The following MBP variants were observed in gnomAD, a reference collection of about 807,000 sequenced individuals.
The protein encoded by MBP is myelin basic protein.
MBP carries 16 observed loss-of-function variants against 35.8 expected under a neutral mutation model. That is an observed-to-expected ratio of 0.45 (90% confidence interval 0.30 to 0.68). MBP has a LOEUF of 0.68. Ranked by LOEUF, MBP falls within the 30% of genes least tolerant of loss-of-function variation. The pLI is 0.08. For missense variants in MBP, 380 were observed against 404.7 expected, an observed-to-expected ratio of 0.94 and a Z score of 0.52; for synonymous variants, 143 against 159.6, an observed-to-expected ratio of 0.90 and a Z score of 0.78.
intron 1 of MBP, among the ~76,000 whole-genome samples, chr18:77,117,151 C>A (rs542896942): frequency 6.6e-6 from 1 of 152,178 alleles, no homozygotes; most frequent in Non-Finnish European, 1.5e-5. Context: ...AACTCATTTC[C>A]TTCTACATGA....
chr18:77,111,645 A>G (rs1976452959), intron 1 of MBP, among the ~76,000 whole-genome samples: 1 of 152,176 alleles, frequency 6.6e-6, no homozygotes, highest in South Asian at 2.1e-4. Flanking sequence ...GCCACCACCA[A>G]CATGCTGAGA....
At chr18:76,999,461 A>AT (rs113779985) in intron 4 of MBP, among the ~76,000 whole-genome samples, 8,717 of 144,446 alleles carry the variant, frequency 0.06, 302 homozygotes, top group African/African-American at 0.1. Flanking sequence ...TAGTTTAGGT[A>AT]TTTTTTTTTT....
intron 4 of MBP, among the ~76,000 whole-genome samples, chr18:76,996,097 T>G (rs1275268840): frequency 6.6e-6 from 1 of 152,132 alleles, no homozygotes; most frequent in African/African-American, 2.4e-5. Context: ...ATGTTCAGCA[T>G]CATCATTAGC....
At chr18:77,011,884 T>C (rs1193132498) in intron 4 of MBP, among the ~76,000 whole-genome samples, 1 of 152,272 alleles carries the variant, frequency 6.6e-6, no homozygotes, top group Non-Finnish European at 1.5e-5. Context: ...TATCAATATC[T>C]AAGTGATTTT....
chr18:77,078,372 C>T (rs1974748014), intron 2 of MBP, among the ~76,000 whole-genome samples: 2 of 152,306 alleles, frequency 1.3e-5, no homozygotes, highest in Non-Finnish European at 2.9e-5. Flanking sequence ...TGTCTGATTA[C>T]CCAATTCCCA....
chr18:76,990,107 G>A (rs1448089592), intron 4 of MBP, 47 bp from the exon 5 acceptor site: 3 of 1,313,196 alleles, frequency 2.3e-6, no homozygotes, highest in African/African-American at 3.0e-5. Context: ...CACAGTCCCT[G>A]CGGCTTGTCC....
chr18:76,991,270 A>G (rs1184568362), intron 4 of MBP, among the ~76,000 whole-genome samples: 1 of 152,152 alleles, frequency 6.6e-6, no homozygotes, highest in African/African-American at 2.4e-5. Flanking sequence ...GCCAGCTGGT[A>G]ATCAACAGAA....
chr18:77,066,209 A>C (rs1044933288), intron 3 of MBP, 89 bp downstream of exon 3: 3 of 895,248 alleles, frequency 3.4e-6, no homozygotes, highest in Non-Finnish European at 5.6e-6. Flanking sequence ...TCACCCATGC[A>C]ATAAAAAAAT....
chr18:77,118,604 C>T (rs1976774711), intron 1 of MBP, among the ~76,000 whole-genome samples: 1 of 138,468 alleles, frequency 7.2e-6, no homozygotes, highest in Non-Finnish European at 1.6e-5. Context: ...ACACACACTC[C>T]ACAGACACCA....
chr18:77,072,918 T>C (rs1974509149), intron 2 of MBP, among the ~76,000 whole-genome samples: 1 of 152,272 alleles, frequency 6.6e-6, no homozygotes, highest in Non-Finnish European at 1.5e-5. Context: ...CCTGGCCTGT[T>C]CAGCCATTGT....
At chr18:76,997,883 T>G (rs186619552) in intron 4 of MBP, among the ~76,000 whole-genome samples, 1 of 151,956 alleles carries the variant, frequency 6.6e-6, no homozygotes, top group Non-Finnish European at 1.5e-5. Flanking sequence ...GGGGTTTCAC[T>G]GTGTTAGCCA....
intron 4 of MBP, chr18:77,003,090 G>A (rs1040458091): frequency 1.3e-5 from 2 of 152,238 alleles, no homozygotes; most frequent in Non-Finnish European, 2.9e-5. Flanking sequence ...ATAAATGCCA[G>A]TGTAGTTAAT....
intron 2 of MBP, among the ~76,000 whole-genome samples, chr18:77,080,736 T>C (rs1974860174): frequency 6.6e-6 from 1 of 152,164 alleles, no homozygotes; most frequent in South Asian, 2.1e-4. Flanking sequence ...CAGGCTGGAG[T>C]GCAGTGGTAC....
chr18:77,015,070 C>T (rs1971552349), intron 4 of MBP: 1 of 982,496 alleles, frequency 1.0e-6, no homozygotes, highest in Non-Finnish European at 1.2e-6. Context: ...AGATTTAAGA[C>T]AATAAAGGCT....
chr18:77,086,190 G>A (rs1975226782), intron 2 of MBP, among the ~76,000 whole-genome samples: 1 of 152,216 alleles, frequency 6.6e-6, no homozygotes, highest in Non-Finnish European at 1.5e-5. Context: ...CATCAGAACA[G>A]CAAATCTGTT....
chr18:77,008,136 C>T (rs1272138389), intron 4 of MBP, among the ~76,000 whole-genome samples: 1 of 152,156 alleles, frequency 6.6e-6, no homozygotes, highest in Admixed American at 6.5e-5. Flanking sequence ...CCTGCCAGCG[C>T]GTCACACACT....
At position 77,085,272 on chromosome 18, in the gene MBP, C is replaced by T. The variant is rs564565261; in HGVS notation, c.52-18887G>A. On this transcript the variant is annotated intron_variant, in intron 2 of 8. Transcript: ENST00000355994. ...CATGTGTTTCTGTATTGAACTGTGTCCTATAATGCAGATGTGGTAGAAGGG... is the reference window on the plus strand; with the variant it reads ...CATGTGTTTCTGTATTGAACTGTGTTCTATAATGCAGATGTGGTAGAAGGG... Among the ~76,000 whole-genome samples, 3 of 152,168 alleles carry T rather than the reference C, an allele frequency of 2.0e-5. No individual in the cohort carries two copies. The South Asian group carries it at 6.2e-4, about 32-fold the overall frequency.
rs1467464043 is a variant in MBP at position 76,989,929 on chromosome 18, T to C, written c.681+27A>G. The C allele has an allele frequency of 1.9e-6, 3 of 1,584,090 alleles. No individual in the cohort carries two copies. The South Asian group carries it at 3.3e-5, about 18-fold the overall frequency. On this transcript the variant is annotated intron_variant, in intron 5 of 8. Transcript: ENST00000355994. This position sits in a 1 kb window ranked among gnomAD's most constrained non-coding sequence, Gnocchi z 4.0. ...CACCCCTCCTCCCCCTCACAGTTGC[T>C]ACCTCTTCCCATCGATCGTCACTTA... is the stretch of plus-strand genomic sequence containing the variant.
At chr18:77,121,133 C>T (rs1416119825) in intron 1 of MBP, among the ~76,000 whole-genome samples, 1 of 151,944 alleles carries the variant, frequency 6.6e-6, no homozygotes, top group South Asian at 2.1e-4. Context: ...ACTTTGTCTC[C>T]ACAAAAAATA....
Sources: gnomAD v4.1 joint callset for allele counts (sites outside exome capture counted in the v4.1 genomes callset) on GRCh38, gnomAD v4.1.1 for gene constraint, Gnocchi (gnomAD v3.1) non-coding constraint, MANE v1.5 for transcripts, NCBI Gene and HGNC (gene_info 2026-07-23, HGNC 2026-07-21) for gene names.